The following DCUN1D4 variants were observed in gnomAD, a reference collection of about 807,000 sequenced individuals.
DCUN1D4 encodes DCN1-like protein 4.
Under a neutral mutation model 47.9 loss-of-function variants are expected in DCUN1D4, and 22 were observed. That is an observed-to-expected ratio of 0.46 (90% CI 0.33 to 0.66). The LOEUF is 0.66. Among genes scored for constraint, DCUN1D4 ranks in the 30% least tolerant of loss-of-function variants. DCUN1D4 has a pLI of 0.02. For missense variants in DCUN1D4, 301 were observed against 340.8 expected (o/e 0.88, Z 0.92); for synonymous variants, 121 against 112.2 (o/e 1.08, Z -0.50).
chr4:51,891,028 C>G (rs1257330862), intron 6 of DCUN1D4, among the ~76,000 whole-genome samples: 2 of 152,232 alleles, frequency 1.3e-5, no homozygotes, highest in African/African-American at 4.8e-5. Flanking sequence ...GGGCCCATTC[C>G]AGGCATAGTG....
chr4:51,852,431 GT>G, intron 1 of DCUN1D4, among the ~76,000 whole-genome samples: 1 of 152,068 alleles, frequency 6.6e-6, no homozygotes, highest in East Asian at 1.9e-4. Flanking sequence ...TTTCCTGTAG[GT>G]TAGGGTAAGT....
At chr4:51,857,431 A>G (rs563166529) in intron 1 of DCUN1D4, among the ~76,000 whole-genome samples, 1 of 152,290 alleles carries the variant, frequency 6.6e-6, no homozygotes, top group East Asian at 1.9e-4. Flanking sequence ...ATCTTTTTAA[A>G]TAACTCTCCT....
chr4:51,838,743 C>T (rs1251671193), upstream of DCUN1D4, among the ~76,000 whole-genome samples: 7 of 152,126 alleles, frequency 4.6e-5, no homozygotes, highest in Non-Finnish European at 1.0e-4. Flanking sequence ...TATAAATAAT[C>T]TCTGAGGTAT....
chr4:51,841,933 G>A (rs1384156684), upstream of DCUN1D4, among the ~76,000 whole-genome samples: 1 of 124,286 alleles, frequency 8.0e-6, no homozygotes, highest in Non-Finnish European at 1.6e-5. Flanking sequence ...TTGTAGGTGT[G>A]TTGTTGTTGG....
chr4:51,867,385 T>TA (rs1726128938), intron 3 of DCUN1D4, among the ~76,000 whole-genome samples: 1 of 152,230 alleles, frequency 6.6e-6, no homozygotes, highest in South Asian at 2.1e-4. Context: ...CTGTTTGTGT[T>TA]ACAGCTCTTT....
chr4:51,911,888 A>G (rs1733766455), intron 9 of DCUN1D4, among the ~76,000 whole-genome samples: 1 of 152,070 alleles, frequency 6.6e-6, no homozygotes, highest in Non-Finnish European at 1.5e-5. Flanking sequence ...AAGCCCTTCT[A>G]AAAAGTGTCC....
chr4:51,842,438 C>T (rs944594132), upstream of DCUN1D4, among the ~76,000 whole-genome samples: 1 of 152,164 alleles, frequency 6.6e-6, no homozygotes, highest in Non-Finnish European at 1.5e-5. Context: ...AACAAGTATG[C>T]GGACTCTGGA....
In DCUN1D4 at chr4:51,914,889, T is replaced by G. The variant is rs545069082; in HGVS notation, c.*1305T>G. On this transcript the variant is annotated 3_prime_UTR_variant, in exon 11 of 11. Transcript: ENST00000334635. ...AGATGACATGTTTTCACCCCAACTA[T>G]CTGGTGCTATTGAATGACTAATTCA... 1 of 148,712 alleles carries G rather than the reference T, an allele frequency of 6.7e-6. No individual in the cohort carries two copies. The highest frequency in any genetic ancestry group is 2.4e-5 in the African/African-American group (1 of 40,854). 9.2% of individuals were successfully genotyped at this position (148,712 alleles called of 1,614,324 possible). A position where few individuals can be genotyped will look rare whatever the true frequency, so the allele number is the denominator to read the frequency against.
chr4:51,880,000 A>G (rs1219445883), intron 5 of DCUN1D4, among the ~76,000 whole-genome samples: 1 of 152,216 alleles, frequency 6.6e-6, no homozygotes, highest in African/African-American at 2.4e-5. Flanking sequence ...CCTTCGTTTT[A>G]ACTGAACCCT....
At chr4:51,851,838 T>A (rs1375554389) in intron 1 of DCUN1D4, among the ~76,000 whole-genome samples, 1 of 152,166 alleles carries the variant, frequency 6.6e-6, no homozygotes, top group African/African-American at 2.4e-5. Context: ...CGCTGAGGTG[T>A]AGAAAGGTTA....
At chr4:51,851,786 A>G (rs1049273592) in intron 1 of DCUN1D4, among the ~76,000 whole-genome samples, 1 of 152,178 alleles carries the variant, frequency 6.6e-6, no homozygotes, top group Non-Finnish European at 1.5e-5. Flanking sequence ...GCAACCCTCA[A>G]TAAGTTAGGG....
Position 51,911,822 on chromosome 4 carries a change from A to T in DCUN1D4, c.720+648A>T, listed in dbSNP as rs556216997. Among the ~76,000 whole-genome samples, 18 of 152,266 alleles carry T rather than the reference A, an allele frequency of 1.2e-4. No homozygotes were observed. In the South Asian group the frequency reaches 3.5e-3, roughly 30 times the overall value. ...TGTGGGACCTGGAAGTATATGGGATACAAGTTTGAGTTACTTGGGTTGTCA... is the reference window on the plus strand; with the variant it reads ...TGTGGGACCTGGAAGTATATGGGATTCAAGTTTGAGTTACTTGGGTTGTCA... On this transcript the variant is annotated intron_variant, in intron 9 of 10. Coordinates refer to ENST00000334635, the MANE Select transcript of DCUN1D4 (RefSeq NM_001040402.3).
chr4:51,916,441 T>C lies in DCUN1D4; in HGVS notation c.*2857T>C, dbSNP rs920025341. On this transcript the variant is annotated 3_prime_UTR_variant, in exon 11 of 11. Coordinates refer to ENST00000334635, the MANE Select transcript of DCUN1D4 (RefSeq NM_001040402.3). ...TATACAGAAAGCTTTAAAAGTTAGT[T>C]TGTGCCCTTGGTTTTTATTCTTAAA... 9 of 152,690 alleles carry C rather than the reference T, an allele frequency of 5.9e-5. No individual in the cohort carries two copies. The highest frequency in any genetic ancestry group is 2.2e-4 in the African/African-American group (9 of 41,570). 9.5% of individuals were successfully genotyped at this position (152,690 alleles called of 1,614,324 possible).
At chr4:51,837,213 T>C in the DCUN1D4 span, among the ~76,000 whole-genome samples, 5 of 152,198 alleles carry the variant, frequency 3.3e-5, no homozygotes, top group African/African-American at 1.2e-4. Flanking sequence ...AATGAATACA[T>C]TTTTATTCAA....
At chr4:51,907,439 G>A (rs993909722) in intron 8 of DCUN1D4, among the ~76,000 whole-genome samples, 1 of 152,152 alleles carries the variant, frequency 6.6e-6, no homozygotes, top group Non-Finnish European at 1.5e-5. Flanking sequence ...GGTTAGCTGG[G>A]TTAAGGAGGA....
At chr4:51,882,124 T>C (rs1046222489) in intron 5 of DCUN1D4, among the ~76,000 whole-genome samples, 2 of 152,228 alleles carry the variant, frequency 1.3e-5, no homozygotes, top group African/African-American at 4.8e-5. Context: ...CAAATTAAAA[T>C]CTTGCTCTTC....
intron 1 of DCUN1D4, among the ~76,000 whole-genome samples, chr4:51,854,809 T>G (rs1723883036): frequency 6.6e-6 from 1 of 152,232 alleles, no homozygotes; most frequent in Non-Finnish European, 1.5e-5. Flanking sequence ...TAGGTACAGG[T>G]CAAGTGTCCT....
the DCUN1D4 span, among the ~76,000 whole-genome samples, chr4:51,834,099 C>CTTTTTTTTTTTTTTTT: frequency 4.9e-5 from 2 of 40,826 alleles, no homozygotes; most frequent in Non-Finnish European, 8.1e-5. Flanking sequence ...TTCTTTTCTT[C>CTTTTTTTTTTTTTTTT]TTTCTTTTTT....
chr4:51,840,663 A>G (rs1419732957), upstream of DCUN1D4, among the ~76,000 whole-genome samples: 1 of 152,368 alleles, frequency 6.6e-6, no homozygotes, highest in East Asian at 1.9e-4. Flanking sequence ...TGCCTACCAC[A>G]ATATTTGAAA....
Sources: gnomAD v4.1 joint callset for allele counts (sites outside exome capture counted in the v4.1 genomes callset) on GRCh38, gnomAD v4.1.1 for gene constraint, MANE v1.5 for transcripts, NCBI Gene and HGNC (gene_info 2026-07-23, HGNC 2026-07-21) for gene names.